The following PPP2R2A variants were observed in gnomAD, a reference collection of about 807,000 sequenced individuals.
PPP2R2A encodes the protein protein phosphatase 2 regulatory subunit Balpha, also known as serine/threonine-protein phosphatase 2A 55 kDa regulatory subunit B alpha isoform.
Under a neutral mutation model 53.2 loss-of-function variants are expected in PPP2R2A, and 9 were observed. The observed-to-expected ratio is 0.17, with a 90% CI of 0.10 to 0.30. The LOEUF (loss-of-function observed/expected upper bound fraction) is 0.30. Among genes scored for constraint, PPP2R2A ranks in the 10% least tolerant of loss-of-function variants. PPP2R2A has a pLI of 1.00. For missense variants in PPP2R2A, 235 were observed against 534.6 expected (o/e 0.44, Z 5.53); for synonymous variants, 169 against 174.2 (o/e 0.97, Z 0.23).
intron 2 of PPP2R2A, among the ~76,000 whole-genome samples, chr8:26,332,980 TA>T (rs1208328120): frequency 6.6e-6 from 1 of 152,368 alleles, no homozygotes; most frequent in East Asian, 1.9e-4. Context: ...TTAATCACTC[TA>T]ATTTGTTTTT....
intron 2 of PPP2R2A, among the ~76,000 whole-genome samples, chr8:26,332,251 T>C (rs577619652): frequency 4.6e-5 from 7 of 151,178 alleles, no homozygotes; most frequent in African/African-American, 7.3e-5. Context: ...TCCCAACTGC[T>C]CAAGAGGCTG....
In PPP2R2A at chr8:26,338,688, T is replaced by A. The variant is rs1387485379; in HGVS notation, c.83-202T>A. On this transcript the variant is annotated intron_variant, in intron 2 of 9. Coordinates refer to ENST00000380737, the MANE Select transcript of PPP2R2A (RefSeq NM_002717.4). This position sits in a 1 kb window ranked among gnomAD's most constrained non-coding sequence, Gnocchi z 4.5. The stretch of plus-strand genomic sequence containing the variant: ...TCTGTTAAAATAGTTTCATACTGGT[T>A]TATTCTGAGGAGAATTTTTATTAGT... 6.6e-6 allele frequency among the ~76,000 whole-genome samples: 1 copy of A among 152,238 alleles called. No individual in the cohort carries two copies. Among genetic ancestry groups the A allele is most frequent in the African/African-American group, 2.4e-5 (1 of 41,462 alleles).
intron 2 of PPP2R2A, among the ~76,000 whole-genome samples, chr8:26,305,296 T>G (rs1184279801): frequency 6.6e-6 from 1 of 152,206 alleles, no homozygotes; most frequent in African/African-American, 2.4e-5. Flanking sequence ...CTTTTGTTTA[T>G]TCATTCATTC....
intron 9 of PPP2R2A, among the ~76,000 whole-genome samples, chr8:26,367,207 T>G (rs1322333912): frequency 6.6e-6 from 1 of 152,230 alleles, no homozygotes; most frequent in Admixed American, 6.5e-5. Flanking sequence ...TATCTGATTT[T>G]TGACATAAGG....
intron 4 of PPP2R2A, among the ~76,000 whole-genome samples, chr8:26,355,884 A>C (rs1338023964): frequency 6.6e-6 from 1 of 151,774 alleles, no homozygotes; most frequent in African/African-American, 2.4e-5. Flanking sequence ...AAAAAAAAAA[A>C]AGTTAGTAAT....
At position 26,301,682 on chromosome 8, in the gene PPP2R2A, G is replaced by A. The variant is rs569431099; in HGVS notation, c.82+7942G>A. On this transcript the variant is annotated intron_variant, in intron 2 of 9. Transcript: ENST00000380737. ...ATGTGCATTTCTCTGGTCGGAGTCC[G>A]TAGCTGCCATCAAAATTGATATCAT... 2.2e-4 allele frequency among the ~76,000 whole-genome samples: 34 copies of A among 152,240 alleles called. No individual in the cohort carries two copies. In the South Asian group the frequency reaches 2.7e-3, roughly 12 times the overall value.
Position 26,370,080 on chromosome 8 carries a change from G to C in PPP2R2A, c.1065-54G>C. ...GTTTAATTGCCGAATCATTTTACTTGAAAACAATTTCTTGTTCTGCTTGTT... is the reference window on the plus strand; with the variant it reads ...GTTTAATTGCCGAATCATTTTACTTCAAAACAATTTCTTGTTCTGCTTGTT... On this transcript the variant is annotated intron_variant, in intron 9 of 9. Coordinates refer to ENST00000380737, the MANE Select transcript of PPP2R2A (RefSeq NM_002717.4). The surrounding 1 kb of genome is among the most constrained non-coding windows in gnomAD (Gnocchi z 6.1). 2 of 1,552,494 alleles carry C rather than the reference G, an allele frequency of 1.3e-6. No individual in the cohort carries two copies. The highest frequency in any genetic ancestry group is 1.8e-6 in the Non-Finnish European group (2 of 1,138,102).
At chr8:26,305,131 T>C (rs556868223) in intron 2 of PPP2R2A, among the ~76,000 whole-genome samples, 21 of 152,320 alleles carry the variant, frequency 1.4e-4, no homozygotes, top group Middle Eastern at 3.4e-3. Flanking sequence ...TTCTGTAAAT[T>C]TGACTGCTTT....
chr8:26,342,095 G>A (rs753785954), intron 3 of PPP2R2A, among the ~76,000 whole-genome samples: 5 of 152,114 alleles, frequency 3.3e-5, no homozygotes, highest in Non-Finnish European at 7.4e-5. Context: ...TCATTTAATA[G>A]CATTGTTATA....
intron 2 of PPP2R2A, among the ~76,000 whole-genome samples, chr8:26,317,122 C>T (rs1399451194): frequency 6.6e-6 from 1 of 152,196 alleles, no homozygotes; most frequent in Non-Finnish European, 1.5e-5. Flanking sequence ...CTCCCTCTGC[C>T]TACCCCAGAG....
In PPP2R2A at chr8:26,316,444, C is replaced by T. The variant is rs148704045; in HGVS notation, c.83-22446C>T. On this transcript the variant is annotated intron_variant, in intron 2 of 9. Coordinates refer to ENST00000380737, the MANE Select transcript of PPP2R2A (RefSeq NM_002717.4). The stretch of plus-strand genomic sequence containing the variant: ...AGGCATGAAGCAGTCAGCCAAAAGC[C>T]GTGAGGTTTTAAAGAACTTAATATA... Among the ~76,000 whole-genome samples the T allele has an allele frequency of 3.4e-3, 513 of 152,246 alleles. 11 individuals are homozygous for T. Among genetic ancestry groups the T allele is most frequent in the Admixed American group, 0.029 (440 of 15,300 alleles).
At chr8:26,337,663 A>T (rs1362610762) in intron 2 of PPP2R2A, among the ~76,000 whole-genome samples, 4 of 152,212 alleles carry the variant, frequency 2.6e-5, no homozygotes, top group Non-Finnish European at 5.9e-5. Flanking sequence ...TTACTCAGGT[A>T]ACCACCGTGG....
At position 26,370,467 on chromosome 8, in the gene PPP2R2A, T is replaced by A; in HGVS notation, c.*54T>A. 1 of 1,574,088 alleles carries A rather than the reference T, an allele frequency of 6.4e-7. No homozygotes were observed. On this transcript the variant is annotated 3_prime_UTR_variant, in exon 10 of 10. Coordinates refer to ENST00000380737, the MANE Select transcript of PPP2R2A (RefSeq NM_002717.4). This position sits in a 1 kb window ranked among gnomAD's most constrained non-coding sequence, Gnocchi z 6.1. ...TTCCTGCTTAGTTGAGATAGTTGAA[T>A]CTAGCATTCGTTCCTATAAAAGAGA...
rs755243526 is a variant in PPP2R2A at position 26,291,783 on chromosome 8, C to T, written c.-37C>T. On this transcript the variant is annotated 5_prime_UTR_variant, in exon 1 of 10. Coordinates refer to ENST00000380737, the MANE Select transcript of PPP2R2A (RefSeq NM_002717.4). ...GGGGTGAGTTCAGGAAGCGGAGACC[C>T]CGAGGAACCCAGCAGGGTCACCATT... 6 of 1,596,080 alleles carry T rather than the reference C, an allele frequency of 3.8e-6. No homozygotes were observed. Among genetic ancestry groups the T allele is most frequent in the South Asian group, 1.1e-5 (1 of 89,096 alleles).
chr8:26,359,293 C>A (rs1194125927), intron 4 of PPP2R2A, among the ~76,000 whole-genome samples: 3 of 152,172 alleles, frequency 2.0e-5, no homozygotes, highest in African/African-American at 4.8e-5. Flanking sequence ...TGTTTGAATT[C>A]TGGAGCAGAA....
intron 3 of PPP2R2A, among the ~76,000 whole-genome samples, chr8:26,352,256 G>GC (rs1280536063): frequency 6.6e-6 from 1 of 152,186 alleles, no homozygotes; most frequent in Non-Finnish European, 1.5e-5. Flanking sequence ...TGTTGAGTAT[G>GC]CGGTTATGTG....
At chr8:26,365,403 C>G (rs1805318681) in intron 8 of PPP2R2A, 1 of 152,044 alleles carries the variant, frequency 6.6e-6, no homozygotes, top group Admixed American at 6.6e-5. Context: ...GAGACATGGC[C>G]TGAATCATTC....
chr8:26,366,210 GGTGT>G (rs1413749865), intron 8 of PPP2R2A, 101 bp from the exon 9 acceptor site: 4 of 795,838 alleles, frequency 5.0e-6, no homozygotes, highest in South Asian at 1.7e-5. Context: ...AGGTTTAAAA[GGTGT>G]GTGTATGTGT....
rs148120201 is a variant in PPP2R2A, at chr8:26,347,872, ATTAGT to A, written c.181-6591_181-6587del. 4.5e-3 allele frequency among the ~76,000 whole-genome samples: 691 copies of A among 152,326 alleles called. 3 individuals carry two copies. Among genetic ancestry groups the A allele is most frequent in the African/African-American group, 0.016 (647 of 41,584 alleles). ...GAAGTGCTCCATGACTATCGTTATCATTAGTTTAGAGAAAGTTTTGAGATTTCTCT... is the reference window on the plus strand; with the variant it reads ...GAAGTGCTCCATGACTATCGTTATCATTAGAGAAAGTTTTGAGATTTCTCT... On this transcript the variant is annotated intron_variant, in intron 3 of 9. Coordinates refer to ENST00000380737, the MANE Select transcript of PPP2R2A (RefSeq NM_002717.4).
Sources: allele counts gnomAD v4.1 joint callset (sites outside exome capture counted in the v4.1 genomes callset), GRCh38; gene constraint gnomAD v4.1.1; non-coding constraint Gnocchi (gnomAD v3.1); transcripts MANE v1.5; gene names NCBI Gene and HGNC (gene_info 2026-07-23, HGNC 2026-07-21).